RCN1: variants seen among roughly 807,000 people sequenced by gnomAD.
The protein encoded by RCN1 is reticulocalbin 1.
RCN1 carries 14 observed loss-of-function variants against 34.7 expected under a neutral mutation model. The ratio of observed to expected loss-of-function variants is 0.40; its 90% CI spans 0.27 to 0.63. The LOEUF (loss-of-function observed/expected upper bound fraction) is 0.63, where lower values mean the gene tolerates loss of function less well. RCN1 is among the 30% of genes least tolerant of loss of function. The pLI, the probability that RCN1 is intolerant of heterozygous loss-of-function variation, is 0.37. For missense variants in RCN1, 326 were observed against 425.1 expected (o/e 0.77, Z 2.05); for synonymous variants, 125 against 165.5 (o/e 0.76, Z 1.88).
rs112294863 is a variant in RCN1 at position 32,104,490 on chromosome 11, A to G, written c.*18A>G. ...AGCTTTGATAGACACTCACCAGAAT[A>G]TGGCAGACTGTCATAGGCATTCTGT... On this transcript the variant is annotated 3_prime_UTR_variant, in exon 6 of 6. Coordinates refer to ENST00000054950, the MANE Select transcript of RCN1 (RefSeq NM_002901.4). 7.2e-5 allele frequency: 86 copies of G among 1,192,218 alleles called. No homozygotes were observed. The highest frequency in any genetic ancestry group is 1.0e-4 in the Non-Finnish European group (82 of 799,638). 73.9% of individuals were successfully genotyped at this position (1,192,218 alleles called of 1,614,324 possible).
Position 32,091,400 on chromosome 11 carries a change from C to T in RCN1, c.204C>T (p.Asp68=), listed in dbSNP as rs1194830334. ...YDHEAFLGKE[D]SKTFDQLTPD... is the part of the protein sequence containing the mutation. ...ACGAGGCCTTCCTGGGCAAGGAGGACTCCAAGACCTTCGACCAGCTCACCC... is the reference window on the plus strand; with the variant it reads ...ACGAGGCCTTCCTGGGCAAGGAGGATTCCAAGACCTTCGACCAGCTCACCC... Residue 68 remains aspartate (D), a synonymous_variant, in exon 1 of 6, where the codon GAC becomes GAT. Transcript: ENST00000054950. 2 of 1,549,224 alleles carry T rather than the reference C, an allele frequency of 1.3e-6. No individual in the cohort carries two copies.
intron 4 of RCN1, chr11:32,102,213 C>T (rs1852052045): frequency 6.6e-6 from 1 of 151,938 alleles, no homozygotes; most frequent in Non-Finnish European, 1.5e-5. Context: ...AGCTGTGTGA[C>T]CCTGGGGTAA....
intron 1 of RCN1, among the ~76,000 whole-genome samples, chr11:32,093,246 T>C (rs1851940191): frequency 6.6e-6 from 1 of 152,240 alleles, no homozygotes. Context: ...ATTTGATCCT[T>C]GTATCAACAC....
chr11:32,097,123 T>C (rs1355875421), intron 1 of RCN1, 21 bp from the exon 2 acceptor site: 1 of 1,329,946 alleles, frequency 7.5e-7, no homozygotes, highest in South Asian at 1.8e-5. Flanking sequence ...GGGTTTCTTT[T>C]TTTTTTTTTT....
In RCN1 at chr11:32,097,347, G is replaced by C; in HGVS notation, c.448+10G>C. ...TATGGTTACTACCTAGGTAAGAGGT[G>C]CTGCAGGAGCGATGACACAGTGGGG... On this transcript the variant is annotated intron_variant, in intron 2 of 5. Transcript: ENST00000054950. 6.6e-7 allele frequency: 1 copy of C among 1,522,912 alleles called. No homozygotes were observed. Among genetic ancestry groups the C allele is most frequent in the Non-Finnish European group, 8.8e-7 (1 of 1,142,046 alleles). 94.3% of individuals were successfully genotyped at this position (1,522,912 alleles called of 1,614,324 possible). A position where few individuals can be genotyped will look rare whatever the true frequency, so the allele number is the denominator to read the frequency against.
At position 32,104,396 on chromosome 11, in the gene RCN1, A is replaced by C; in HGVS notation, c.920A>C (p.Glu307Ala). ...AAGCTAACTAAAGAGGAAATATTGG[A>C]GAACTGGAACATGTTTGTCGGAAGC... ...DEKLTKEEIL[E>A]NWNMFVGSQA... The change falls in exon 6 of 6, where the codon GAG becomes GCG. Residue 307 changes from glutamate to alanine, a missense_variant. Glu to Ala is a moderately radical substitution (Grantham distance 107). Coordinates refer to ENST00000054950, the MANE Select transcript of RCN1 (RefSeq NM_002901.4). The C allele has an allele frequency of 1.3e-6, 2 of 1,577,474 alleles. No individual in the cohort carries two copies. The highest frequency in any genetic ancestry group is 1.7e-6 in the Non-Finnish European group (2 of 1,147,636).
chr11:32,091,801 G>A (rs1851924899), intron 1 of RCN1: 1 of 302,018 alleles, frequency 3.3e-6, no homozygotes, highest in African/African-American at 2.2e-5. Flanking sequence ...ACAGTGGCCT[G>A]TTAGTGCCAT....
At chr11:32,102,874 C>G (rs1358298177) in intron 4 of RCN1, 1 of 393,394 alleles carries the variant, frequency 2.5e-6, no homozygotes, top group Non-Finnish European at 4.9e-6. Context: ...CCATAGTGTT[C>G]AATGTTAGTC....
At chr11:32,091,656 G>A (rs1590216385) in intron 1 of RCN1, 2 of 608,458 alleles carry the variant, frequency 3.3e-6, no homozygotes, top group Non-Finnish European at 5.3e-6. Flanking sequence ...CCGCCGCCGC[G>A]CCCCGGCCGG....
intron 1 of RCN1, among the ~76,000 whole-genome samples, chr11:32,093,219 C>T (rs1371829476): frequency 2.0e-5 from 3 of 152,152 alleles, no homozygotes; most frequent in South Asian, 2.1e-4. Context: ...GAAAAAGTGA[C>T]GGTGAAGTTG....
chr11:32,095,342 G>T (rs1309784594), intron 1 of RCN1, among the ~76,000 whole-genome samples: 1 of 151,940 alleles, frequency 6.6e-6, no homozygotes, highest in African/African-American at 2.4e-5. Flanking sequence ...GACCTCCTGG[G>T]CTCAGGCAAT....
chr11:32,104,293 G>T, intron 5 of RCN1, 72 bp from the exon 6 acceptor site: 1 of 887,656 alleles, frequency 1.1e-6, no homozygotes, highest in South Asian at 1.5e-5. Context: ...TCAGTGAAAT[G>T]ACATGAACAT....
At chr11:32,097,803 A>C (rs1474917615) in intron 2 of RCN1, among the ~76,000 whole-genome samples, 1 of 152,176 alleles carries the variant, frequency 6.6e-6, no homozygotes, top group Non-Finnish European at 1.5e-5. Flanking sequence ...AAGATGCAGC[A>C]ATGCATGCAG....
At chr11:32,094,877 C>T (rs1851955542) in intron 1 of RCN1, among the ~76,000 whole-genome samples, 1 of 152,172 alleles carries the variant, frequency 6.6e-6, no homozygotes, top group South Asian at 2.1e-4. Flanking sequence ...TCCTAGCTGC[C>T]TTTCCCAGGA....
intron 4 of RCN1, 27 bp from the exon 5 acceptor site, chr11:32,103,254 G>A (rs762021151): frequency 1.9e-6 from 3 of 1,609,240 alleles, no homozygotes; most frequent in African/African-American, 2.7e-5. Context: ...ACTTTCCTTT[G>A]TAACCAACAA....
intron 4 of RCN1, chr11:32,102,749 T>G (rs1389089200): frequency 3.1e-6 from 1 of 320,640 alleles, no homozygotes; most frequent in Non-Finnish European, 5.9e-6. Flanking sequence ...TGGGTAAGAC[T>G]TTACCTCATT....
rs181462294 is a variant in RCN1, at chr11:32,097,652, T to C, written c.448+315T>C. ...AAGGAAGTGTGTCTGTGGTATATTT[T>C]CAAAATGCTGCCTAATTCTGGATAG... On this transcript the variant is annotated intron_variant, in intron 2 of 5. Coordinates refer to ENST00000054950, the MANE Select transcript of RCN1 (RefSeq NM_002901.4). Among the ~76,000 whole-genome samples the C allele has an allele frequency of 5.2e-3, 785 of 152,316 alleles. 15 individuals are homozygous for C. The highest frequency in any genetic ancestry group is 4.2e-3 in the Non-Finnish European group (287 of 68,024).
intron 5 of RCN1, 112 bp downstream of exon 5, chr11:32,103,592 C>A: frequency 1.1e-6 from 1 of 905,488 alleles, no homozygotes; most frequent in Non-Finnish European, 1.8e-6. Flanking sequence ...TCTTTATTGA[C>A]TTTTCCTTCT....
chr11:32,095,786 C>T (rs1851967517), intron 1 of RCN1, among the ~76,000 whole-genome samples: 1 of 151,386 alleles, frequency 6.6e-6, no homozygotes, highest in South Asian at 2.1e-4. Flanking sequence ...CTCTTGGCCT[C>T]CTACCTCAGT....
Sources: gnomAD v4.1 joint callset for allele counts (sites outside exome capture counted in the v4.1 genomes callset) on GRCh38, gnomAD v4.1.1 for gene constraint, MANE v1.5 for transcripts, NCBI Gene and HGNC (gene_info 2026-07-23, HGNC 2026-07-21) for gene names.